Variants in LARGE2 observed in about 807,000 individuals in gnomAD.
LARGE2 encodes xylosyl- and glucuronyltransferase LARGE2.
A neutral mutation model predicts 75.3 loss-of-function variants in LARGE2; 63 were observed. The ratio of observed to expected loss-of-function variants is 0.84; its 90% CI spans 0.68 to 1.03. The LOEUF (loss-of-function observed/expected upper bound fraction) is 1.03, where lower values mean the gene tolerates loss of function less well. Among genes scored for constraint, LARGE2 ranks in the 50% least tolerant of loss-of-function variants. LARGE2 has a pLI of 0.00. For synonymous variants in LARGE2, 428 were observed against 420.1 expected, an observed-to-expected ratio of 1.02 and a Z score of -0.23; for missense variants, 925 against 980.6, an observed-to-expected ratio of 0.94 and a Z score of 0.76.
At chr11:45,927,848 C>T in intron 11 of LARGE2, 72 bp from the exon 12 acceptor site, 1 of 1,599,968 alleles carries the variant, frequency 6.3e-7, no homozygotes, top group Non-Finnish European at 8.5e-7. Context: ...GTGGCTAATG[C>T]CCTGATGAGT....
Position 45,928,780 on chromosome 11 carries a change from C to T in LARGE2, c.2101C>T (p.His701Tyr). 1 of 1,613,952 alleles carries T rather than the reference C, an allele frequency of 6.2e-7. No individual in the cohort carries two copies. Among genetic ancestry groups the T allele is most frequent in the East Asian group, 2.2e-5 (1 of 44,878 alleles). ...ATTCCACCAGGACTTGTCCCGCCACCATGGGGCTGCTGCCCTCAAATACCT... is the reference window on the plus strand; with the variant it reads ...ATTCCACCAGGACTTGTCCCGCCACTATGGGGCTGCTGCCCTCAAATACCT... ...DEFHQDLSRH[H>Y]GAAALKYLPA... Residue 701 changes from histidine to tyrosine, a missense_variant, in exon 14 of 14, where the codon CAT becomes TAT. Transcript: ENST00000401752.
In LARGE2 at chr11:45,923,167, G is replaced by A; in HGVS notation, c.285G>A (p.Glu95=). The A allele has an allele frequency of 3.0e-6, 4 of 1,335,518 alleles. No homozygotes were observed. Among genetic ancestry groups the A allele is most frequent in the African/African-American group, 1.5e-5 (1 of 64,836 alleles). The allele number at this position is 1,335,518 out of a possible 1,614,324, so 82.7% of individuals were successfully genotyped here. ...AGCCGCCGCCGCCGCCCAAGTGCGA[G>A]GTAGGTGCGCGCGGCCCTGGCGGCG... is the stretch of plus-strand genomic sequence containing the variant. The part of the protein sequence containing the change: ...GPQPPPPPKC[E]LLHVAIVCAG... The change falls in exon 2 of 14, where the codon GAG becomes GAA. Residue 95 remains glutamate, a splice_region_variant and synonymous_variant. Transcript: ENST00000401752.
chr11:45,927,444 G>C lies in LARGE2; in HGVS notation c.1455G>C (p.Gln485His). ...VEASPVLAAR[Q>H]DVAYHVVYRE... is the part of the protein sequence containing the mutation. The stretch of plus-strand genomic sequence containing the variant: ...CCTCACCAGTGCTTGCTGCCCGGCA[G>C]GACGTGGCCTACCATGTGGTGTACC... The change falls in exon 11 of 14, where the codon CAG becomes CAC. Residue 485 changes from glutamine (Q) to histidine (H), a missense_variant. Coordinates refer to ENST00000401752, the MANE Select transcript of LARGE2 (RefSeq NM_001300721.2). 2 of 1,614,222 alleles carry C rather than the reference G, an allele frequency of 1.2e-6. No homozygotes were observed. The highest frequency in any genetic ancestry group is 2.2e-5 in the East Asian group (1 of 44,888).
intron 3 of LARGE2, among the ~76,000 whole-genome samples, chr11:45,923,946 A>G (rs371432477): frequency 0.017 from 2,237 of 130,868 alleles, 35 homozygotes; most frequent in South Asian, 0.052. Context: ...AGATCCCGCC[A>G]CTGCACTCCA....
chr11:45,922,713 G>T lies in LARGE2; in HGVS notation c.-78G>T. 2.2e-6 allele frequency: 1 copy of T among 455,154 alleles called. No homozygotes were observed. 28.2% of individuals were successfully genotyped at this position (455,154 alleles called of 1,614,324 possible). A position where few individuals can be genotyped will look rare whatever the true frequency, so the allele number is the denominator to read the frequency against. ...GGCTGCGAGCGCAGGGCCCAGCCCG[G>T]GAGCCGCTGGAGCAGGTGAGGGAGG... On this transcript the variant is annotated 5_prime_UTR_variant, in exon 1 of 14. Coordinates refer to ENST00000401752, the MANE Select transcript of LARGE2 (RefSeq NM_001300721.2).
At chr11:45,927,226 C>A in intron 10 of LARGE2, 89 bp from the exon 11 acceptor site, 1 of 1,423,216 alleles carries the variant, frequency 7.0e-7, no homozygotes, top group Non-Finnish European at 9.5e-7. Flanking sequence ...GAGGAGGTGG[C>A]AGCAGCAGCT....
rs753330765 is a variant in LARGE2, at chr11:45,926,942, A to T, written c.1325+71A>T. 8 of 1,465,302 alleles carry T rather than the reference A, an allele frequency of 5.5e-6. No homozygotes were observed. In the Admixed American group the frequency reaches 1.7e-4, roughly 32 times the overall value. 90.8% of individuals were successfully genotyped at this position (1,465,302 alleles called of 1,614,324 possible). On this transcript the variant is annotated intron_variant, in intron 10 of 13. Coordinates refer to ENST00000401752, the MANE Select transcript of LARGE2 (RefSeq NM_001300721.2). ...TTGGACACTTCTGAGAGGAGGTTCC[A>T]TCTGGCAGCCTGATGCTGTGGTAGT...
upstream of LARGE2, among the ~76,000 whole-genome samples, chr11:45,921,947 G>T (rs1419906057): frequency 6.6e-6 from 1 of 152,180 alleles, no homozygotes; most frequent in African/African-American, 2.4e-5. Context: ...CCCATTCCCT[G>T]GCCTGCTATG....
upstream of LARGE2, among the ~76,000 whole-genome samples, chr11:45,922,095 G>C (rs2086939962): frequency 6.6e-6 from 1 of 152,102 alleles, no homozygotes; most frequent in African/African-American, 2.4e-5. Context: ...CCCCTCGCCA[G>C]CTCCCGGGCG....
At position 45,926,348 on chromosome 11, in the gene LARGE2, G is replaced by A. The variant is rs751498463; in HGVS notation, c.1008+1G>A. ...CTACTCTGAGGCGTCTGACCTCAAGGTGAGTGGGACAAGAGGCTGTGTGGT... is the reference window on the plus strand; with the variant it reads ...CTACTCTGAGGCGTCTGACCTCAAGATGAGTGGGACAAGAGGCTGTGTGGT... On this transcript the variant is annotated splice_donor_variant, in intron 8 of 13. Coordinates refer to ENST00000401752, the MANE Select transcript of LARGE2 (RefSeq NM_001300721.2). LOFTEE classifies it high-confidence loss of function. 1.2e-6 allele frequency: 2 copies of A among 1,614,144 alleles called. No individual in the cohort carries two copies. Among genetic ancestry groups the A allele is most frequent in the Middle Eastern group, 1.6e-4 (1 of 6,062 alleles).
In LARGE2 at chr11:45,928,883, A is replaced by G. The variant is rs565303681; in HGVS notation, c.*38A>G. ...GCTGCCCCTCATCTTAGCATTGGGC[A>G]GACACCAGGGCAACCTGCCCTCCGC... On this transcript the variant is annotated 3_prime_UTR_variant, in exon 14 of 14. Transcript: ENST00000401752. The G allele has an allele frequency of 7.3e-5, 118 of 1,609,904 alleles. 2 individuals carry two copies. In the South Asian group the frequency reaches 7.4e-4, roughly 10 times the overall value.
rs1248707297 is a variant in LARGE2 at position 45,926,288 on chromosome 11, G to A, written c.949G>A (p.Val317Met). 1 of 1,614,222 alleles carries A rather than the reference G, an allele frequency of 6.2e-7. No homozygotes were observed. Among genetic ancestry groups the A allele is most frequent in the Admixed American group, 1.7e-5 (1 of 60,032 alleles). ...LVQRLPCVWN[V>M]QLSDHTLAER... Reference sequence around the variant, plus strand: ...GCAGCGTCTGCCTTGTGTCTGGAATGTGCAGCTGTCAGATCACACACTGGC... The same window carrying A: ...GCAGCGTCTGCCTTGTGTCTGGAATATGCAGCTGTCAGATCACACACTGGC... Residue 317 changes from valine (V) to methionine (M), a missense_variant, in exon 8 of 14, where the codon GTG becomes ATG. Val to Met is a conservative substitution (Grantham distance 21). This residue lies in a region of LARGE2 where 453 missense variants were observed against 460.2 expected (regional missense o/e 0.98). Transcript: ENST00000401752.
intron 10 of LARGE2, 22 bp downstream of exon 10, chr11:45,926,893 CA>C (rs2087178454): frequency 6.3e-7 from 1 of 1,593,874 alleles, no homozygotes; most frequent in Non-Finnish European, 8.5e-7. Context: ...GAGGGCAGCC[CA>C]GGGGGTATGG....
chr11:45,924,061 A>G (rs926967207), intron 3 of LARGE2, 93 bp from the exon 4 acceptor site: 2 of 1,301,960 alleles, frequency 1.5e-6, no homozygotes, highest in African/African-American at 1.5e-5. Flanking sequence ...CTCTTTGCAG[A>G]TGGCGCTTCC....
chr11:45,926,790 T>C lies in LARGE2; in HGVS notation c.1244T>C (p.Val415Ala). Reference sequence around the variant, plus strand: ...CAGCAGCAGCTCACTGTGCACCGTGTGCATGTCACTTTCCTGCCCCATGAA... The same window carrying C: ...CAGCAGCAGCTCACTGTGCACCGTGCGCATGTCACTTTCCTGCCCCATGAA... The part of the protein sequence containing the change: ...FRQQQLTVHR[V>A]HVTFLPHEPP... The change falls in exon 10 of 14, where the codon GTG becomes GCG. Residue 415 changes from valine (V) to alanine (A), a missense_variant. Coordinates refer to ENST00000401752, the MANE Select transcript of LARGE2 (RefSeq NM_001300721.2). 1 of 1,613,552 alleles carries C rather than the reference T, an allele frequency of 6.2e-7. No individual in the cohort carries two copies. The highest frequency in any genetic ancestry group is 8.5e-7 in the Non-Finnish European group (1 of 1,179,998).
At chr11:45,922,143 G>C (rs2134706885), upstream of LARGE2, among the ~76,000 whole-genome samples, 2 of 152,200 alleles carry the variant, frequency 1.3e-5, no homozygotes, top group Middle Eastern at 6.8e-3. Flanking sequence ...TCCTGGCGGC[G>C]CCGGCAGGGC....
rs527888449 is a variant in LARGE2 at position 45,926,509 on chromosome 11, T to C, written c.1076T>C (p.Phe359Ser). The C allele has an allele frequency of 1.9e-6, 3 of 1,614,142 alleles. No individual in the cohort carries two copies. In the South Asian group the frequency reaches 3.3e-5, roughly 18 times the overall value. The change falls in exon 9 of 14, where the codon TTC (phenylalanine) becomes TCC (serine). Residue 359 changes from phenylalanine (F) to serine (S), a missense_variant. Coordinates refer to ENST00000401752, the MANE Select transcript of LARGE2 (RefSeq NM_001300721.2). The stretch of plus-strand genomic sequence containing the variant: ...AAGCATGTGGAATTCTTCCGCAATT[T>C]CTACCTGACCTTCCTGGAGTACGAT... ...KNKHVEFFRNFYLTFLEYDGN... is the reference protein window; with the variant it reads ...KNKHVEFFRNSYLTFLEYDGN...
rs1292919023 is a variant in LARGE2 at position 45,924,378 on chromosome 11, C to T, written c.492+101C>T. On this transcript the variant is annotated intron_variant, in intron 4 of 13. Coordinates refer to ENST00000401752, the MANE Select transcript of LARGE2 (RefSeq NM_001300721.2). ...AGAAGAGAATCATCAGTCCCCCCTC[C>T]ACCTACTGAAGCGCAAACCCCTCTC... 5 of 1,571,546 alleles carry T rather than the reference C, an allele frequency of 3.2e-6. No homozygotes were observed. The African/African-American group carries it at 4.1e-5, about 13-fold the overall frequency.
rs2086999926 is a variant in LARGE2 at position 45,923,372 on chromosome 11, A to G, written c.286-101A>G. 5 of 1,255,048 alleles carry G rather than the reference A, an allele frequency of 4.0e-6. No homozygotes were observed. The Admixed American group carries it at 9.3e-5, about 23-fold the overall frequency. 77.7% of individuals were successfully genotyped at this position (1,255,048 alleles called of 1,614,324 possible). A position where few individuals can be genotyped will look rare whatever the true frequency, so the allele number is the denominator to read the frequency against. Reference sequence around the variant, plus strand: ...GGTTGGCTCCTGCTGCCCCCTCCGCACACTGTTCCGGGCTCTGCTGCGGGG... The same window carrying G: ...GGTTGGCTCCTGCTGCCCCCTCCGCGCACTGTTCCGGGCTCTGCTGCGGGG... On this transcript the variant is annotated intron_variant, in intron 2 of 13. Transcript: ENST00000401752.
Sources: gnomAD v4.1 joint callset for allele counts (sites outside exome capture counted in the v4.1 genomes callset) on GRCh38, gnomAD v4.1.1 for gene constraint, gnomAD v4.1.1 regional missense constraint, MANE v1.5 for transcripts, NCBI Gene and HGNC (gene_info 2026-07-23, HGNC 2026-07-21) for gene names.